Variants in C6 observed in about 807,000 individuals in gnomAD.
The protein encoded by C6 is complement component C6.
Under a neutral mutation model 112.9 loss-of-function variants are expected in C6, and 101 were observed. The observed-to-expected ratio is 0.89, with a 90% CI of 0.76 to 1.06. C6 has a LOEUF of 1.06. Among genes scored for constraint, C6 ranks in the 50% least tolerant of loss-of-function variants. C6 has a pLI of 0.00. For synonymous variants in C6, 431 were observed against 384.1 expected (o/e 1.12, Z -1.43); for missense variants, 1,202 against 1,104.6 (o/e 1.09, Z -1.25).
At chr5:41,221,951 G>A (rs1739198827) in intron 1 of C6, among the ~76,000 whole-genome samples, 3 of 152,146 alleles carry the variant, frequency 2.0e-5, no homozygotes, top group South Asian at 4.2e-4. Context: ...GATCACCTCA[G>A]GTCAGGAGTT....
chr5:41,155,875 AATAAT>A lies in C6; in HGVS notation c.1969-776_1969-772del, dbSNP rs148323678. The stretch of plus-strand genomic sequence containing the variant: ...CCATGTAGTGACTATAAACTGAATA[AATAAT>A]ATATCTTACATATAAAGCAAACATA... On this transcript the variant is annotated intron_variant, in intron 13 of 17. Transcript: ENST00000337836. 2.1e-3 allele frequency among the ~76,000 whole-genome samples: 323 copies of A among 152,294 alleles called. 5 individuals carry two copies. In the East Asian group the frequency reaches 0.038, roughly 18 times the overall value.
At chr5:41,183,754 G>A (rs2150328308) in intron 6 of C6, among the ~76,000 whole-genome samples, 1 of 152,246 alleles carries the variant, frequency 6.6e-6, no homozygotes, top group South Asian at 2.1e-4. Flanking sequence ...CAGTGGATTG[G>A]ATAAAGATAA....
chr5:41,227,478 C>A (rs1436236647), intron 1 of C6, among the ~76,000 whole-genome samples: 10 of 152,168 alleles, frequency 6.6e-5, no homozygotes, highest in Non-Finnish European at 7.4e-5. Context: ...ATTTACCTAT[C>A]TTTGCTTTTG....
intron 10 of C6, 45 bp downstream of exon 10, chr5:41,161,648 G>A (rs1449656448): frequency 4.6e-6 from 7 of 1,525,650 alleles, no homozygotes; most frequent in Non-Finnish European, 5.5e-6. Flanking sequence ...TGGGCTGCTA[G>A]AGAACTACTT....
chr5:41,184,616 T>C (rs1749625821), intron 6 of C6, among the ~76,000 whole-genome samples: 1 of 151,806 alleles, frequency 6.6e-6, no homozygotes, highest in South Asian at 2.1e-4. Context: ...GAACTACAGG[T>C]GTGCACCACT....
At chr5:41,201,535 T>C in intron 3 of C6, 23 bp downstream of exon 3, 1 of 1,611,676 alleles carries the variant, frequency 6.2e-7, no homozygotes, top group Non-Finnish European at 8.5e-7. Flanking sequence ...TCATATTTCC[T>C]GGAAATGCCC....
intron 17 of C6, among the ~76,000 whole-genome samples, chr5:41,148,604 G>T (rs1002214692): frequency 4.2e-4 from 64 of 152,146 alleles, no homozygotes; most frequent in African/African-American, 1.4e-3. Context: ...GGTCTAGTCT[G>T]GGCCAGAGAT....
At chr5:41,170,658 T>C (rs1333144473) in intron 9 of C6, among the ~76,000 whole-genome samples, 1 of 152,146 alleles carries the variant, frequency 6.6e-6, no homozygotes, top group Non-Finnish European at 1.5e-5. Flanking sequence ...CATGTGTATG[T>C]AGACCATCTA....
intron 1 of C6, among the ~76,000 whole-genome samples, chr5:41,238,780 AC>A (rs1439561738): frequency 1.3e-5 from 2 of 152,180 alleles, no homozygotes; most frequent in Non-Finnish European, 1.5e-5. Context: ...TATTAGTAAA[AC>A]CTATTTTGTT....
At chr5:41,151,634 T>C (rs1042250696) in intron 15 of C6, among the ~76,000 whole-genome samples, 2 of 152,144 alleles carry the variant, frequency 1.3e-5, no homozygotes, top group East Asian at 1.9e-4. Flanking sequence ...AAGCTATGCA[T>C]GTGGATGAGA....
intron 9 of C6, among the ~76,000 whole-genome samples, chr5:41,163,646 T>C (rs1747738721): frequency 6.6e-6 from 1 of 152,188 alleles, no homozygotes; most frequent in African/African-American, 2.4e-5. Flanking sequence ...GCCACTACTA[T>C]GAGGAAGATA....
At position 41,159,121 on chromosome 5, in the gene C6, C is replaced by T. The variant is rs760471024; in HGVS notation, c.1817G>A (p.Arg606Gln). The T allele has an allele frequency of 1.1e-5, 17 of 1,613,586 alleles. No individual in the cohort carries two copies. Among genetic ancestry groups the T allele is most frequent in the African/African-American group, 4.0e-5 (3 of 74,846 alleles). ...TGAAAATGTGCAGTCTTCCTCTTGT[C>T]GCTTCTCCCCCTCACAGCGTTTCCC... is the stretch of plus-strand genomic sequence containing the variant. ...RGGKRCEGEK[R>Q]QEEDCTFSIM... Residue 606 changes from arginine (R) to glutamine (Q), a missense_variant, in exon 12 of 18, where the codon CGA (arginine) becomes CAA (glutamine). Physicochemically the swap from Arg to Gln is conservative, Grantham distance 43. Transcript: ENST00000337836.
chr5:41,146,425 A>G (rs920695537), intron 17 of C6, among the ~76,000 whole-genome samples: 14 of 152,200 alleles, frequency 9.2e-5, no homozygotes, highest in Middle Eastern at 3.2e-3. Context: ...AAAATTACTA[A>G]TATTCCAACT....
chr5:41,201,834 A>G (rs1365892879), intron 2 of C6, 120 bp from the exon 3 acceptor site: 1 of 926,806 alleles, frequency 1.1e-6, no homozygotes, highest in Non-Finnish European at 1.7e-6. Context: ...ATTTTCATGG[A>G]AAAATTAGGC....
chr5:41,181,488 A>G lies in C6; in HGVS notation c.798T>C (p.Asn266=). The G allele has an allele frequency of 6.2e-7, 1 of 1,613,706 alleles. No homozygotes were observed. The highest frequency in any genetic ancestry group is 8.5e-7 in the Non-Finnish European group (1 of 1,179,796). Residue 266 remains asparagine (N), a synonymous_variant, in exon 7 of 18, where the codon AAT becomes AAC. Coordinates refer to ENST00000337836, the MANE Select transcript of C6 (RefSeq NM_000065.5). Reference sequence around the variant, plus strand: ...CCTGACTTGAGAATGAGCCTTGTTGATTTTCATTGTGTCCAAGAGAAGTTA... The same window carrying G: ...CCTGACTTGAGAATGAGCCTTGTTGGTTTTCATTGTGTCCAAGAGAAGTTA... The part of the protein sequence containing the change: ...KDLTSLGHNE[N]QQGSFSSQGG...
chr5:41,224,674 C>T (rs1252977789), intron 1 of C6, among the ~76,000 whole-genome samples: 3 of 151,402 alleles, frequency 2.0e-5, no homozygotes, highest in Admixed American at 2.0e-4. Flanking sequence ...GTGTTATTTC[C>T]TCTGTTTGGC....
chr5:41,239,115 T>C (rs191512127), intron 1 of C6, among the ~76,000 whole-genome samples: 4,342 of 146,200 alleles, frequency 0.03, 225 homozygotes, highest in African/African-American at 0.096. Flanking sequence ...TTCTTTCTTT[T>C]TTTTTTTTTT....
chr5:41,156,509 G>A (rs1361481052), intron 13 of C6, among the ~76,000 whole-genome samples: 1 of 152,154 alleles, frequency 6.6e-6, no homozygotes, highest in African/African-American at 2.4e-5. Context: ...TTCTTAAGGA[G>A]CTAGTAATGC....
intron 16 of C6, 130 bp downstream of exon 16, chr5:41,149,805 G>A (rs1746207267): frequency 1.4e-6 from 1 of 737,932 alleles, no homozygotes; most frequent in Non-Finnish European, 2.5e-6. Context: ...GCAGAGCACA[G>A]GAATATCAGT....
Sources: gnomAD v4.1 joint callset for allele counts (sites outside exome capture counted in the v4.1 genomes callset) on GRCh38, gnomAD v4.1.1 for gene constraint, MANE v1.5 for transcripts, NCBI Gene and HGNC (gene_info 2026-07-23, HGNC 2026-07-21) for gene names.